ERMP1: variants seen among roughly 807,000 people sequenced by gnomAD.
The protein encoded by ERMP1 is endoplasmic reticulum metallopeptidase 1, also known as Felix-ina.
In ERMP1, 86 loss-of-function variants were observed where a neutral mutation model predicts 92.0. That is an observed-to-expected ratio of 0.93 (90% CI 0.79 to 1.12). The LOEUF is 1.12. Ranked by LOEUF, ERMP1 falls within the 50% of genes most tolerant of loss-of-function variation. The pLI is 0.00. For synonymous variants in ERMP1, 530 were observed against 412.8 expected (o/e 1.28, Z -3.44); for missense variants, 1,342 against 1,116.3 (o/e 1.20, Z -2.88).
chr9:5,847,489 C>T (rs983801964), intron 6 of ERMP1, among the ~76,000 whole-genome samples: 4 of 152,104 alleles, frequency 2.6e-5, no homozygotes, highest in Non-Finnish European at 4.4e-5. Context: ...TCACCTGCCT[C>T]GGCCTCCCAA....
intron 8 of ERMP1, among the ~76,000 whole-genome samples, chr9:5,807,912 C>T (rs546218192): frequency 1.3e-5 from 2 of 152,256 alleles, no homozygotes; most frequent in African/African-American, 4.8e-5. Flanking sequence ...ATTCCCACAC[C>T]TTCCCAAACG....
At chr9:5,849,974 T>C (rs943435018) in intron 6 of ERMP1, among the ~76,000 whole-genome samples, 2 of 152,194 alleles carry the variant, frequency 1.3e-5, no homozygotes, top group Admixed American at 1.3e-4. Flanking sequence ...GGTGGGATTG[T>C]GGATTTCAAT....
At chr9:5,814,959 C>T (rs1482615817) in intron 4 of ERMP1, among the ~76,000 whole-genome samples, 2 of 151,672 alleles carry the variant, frequency 1.3e-5, no homozygotes, top group East Asian at 1.9e-4. Flanking sequence ...ACTGATGTTG[C>T]GAATTTTAAT....
intron 6 of ERMP1, among the ~76,000 whole-genome samples, chr9:5,811,662 T>A (rs1829100559): frequency 6.6e-6 from 1 of 152,246 alleles, no homozygotes; most frequent in African/African-American, 2.4e-5. Flanking sequence ...ATCCAATGGC[T>A]GTTTCTTGGT....
At chr9:5,854,725 C>T (rs1830352504) in intron 6 of ERMP1, among the ~76,000 whole-genome samples, 1 of 152,098 alleles carries the variant, frequency 6.6e-6, no homozygotes, top group South Asian at 2.1e-4. Context: ...TGGGGTTTTG[C>T]CATGTTGCCC....
chr9:5,798,388 A>G (rs1040952537), intron 12 of ERMP1, among the ~76,000 whole-genome samples: 2 of 151,660 alleles, frequency 1.3e-5, no homozygotes, highest in African/African-American at 2.4e-5. Context: ...GGCTAATTTT[A>G]TATTTTTAGT....
chr9:5,847,040 A>G (rs549490030), intron 6 of ERMP1, among the ~76,000 whole-genome samples: 1 of 152,248 alleles, frequency 6.6e-6, no homozygotes, highest in South Asian at 2.1e-4. Flanking sequence ...CTCAGCACCA[A>G]TGCTCAGCAG....
chr9:5,836,087 A>G (rs1830093144), upstream of ERMP1, among the ~76,000 whole-genome samples: 1 of 152,188 alleles, frequency 6.6e-6, no homozygotes, highest in Non-Finnish European at 1.5e-5. Context: ...TAAGAGCTAA[A>G]CTGACTGACA....
chr9:5,831,085 G>C, intron 1 of ERMP1, 57 bp from the exon 2 acceptor site: 1 of 1,451,552 alleles, frequency 6.9e-7, no homozygotes, highest in South Asian at 1.3e-5. Flanking sequence ...ACTTAGCGTG[G>C]GTAACTTTTC....
Position 5,824,105 on chromosome 9 carries a change from T to G in ERMP1, c.769-104A>C, listed in dbSNP as rs556254128. On this transcript the variant is annotated intron_variant, in intron 3 of 14. Transcript: ENST00000339450. Reference sequence around the variant, plus strand: ...GACTACTTTGATGAGGTAAGGAATATGAAAACAAAATAATCGCTCTTCAAA... The same window carrying G: ...GACTACTTTGATGAGGTAAGGAATAGGAAAACAAAATAATCGCTCTTCAAA... The G allele has an allele frequency of 1.0e-4, 84 of 812,554 alleles. No homozygotes were observed. The African/African-American group carries it at 1.4e-3, about 13-fold the overall frequency. 50.3% of individuals were successfully genotyped at this position (812,554 alleles called of 1,614,324 possible).
chr9:5,798,433 C>T (rs1031320953), intron 12 of ERMP1, among the ~76,000 whole-genome samples: 2 of 152,034 alleles, frequency 1.3e-5, no homozygotes, highest in Non-Finnish European at 1.5e-5. Flanking sequence ...TCAGGCTGGT[C>T]TCGAACTCCC....
intron 3 of ERMP1, 79 bp from the exon 4 acceptor site, chr9:5,824,080 G>C: frequency 1.8e-6 from 2 of 1,101,166 alleles, no homozygotes; most frequent in Non-Finnish European, 2.7e-6. Flanking sequence ...AACACAGAGA[G>C]ACTACTTTGA....
At chr9:5,840,755 C>CCCTA (rs1265919664) in intron 6 of ERMP1, among the ~76,000 whole-genome samples, 1 of 152,222 alleles carries the variant, frequency 6.6e-6, no homozygotes, top group Non-Finnish European at 1.5e-5. Flanking sequence ...TGTCCTGAGG[C>CCCTA]CCTAGATCAG....
At chr9:5,865,252 A>T (rs1172050942) in intron 5 of ERMP1, among the ~76,000 whole-genome samples, 2 of 152,174 alleles carry the variant, frequency 1.3e-5, no homozygotes, top group Non-Finnish European at 2.9e-5. Flanking sequence ...TACGCCTGTA[A>T]TCCCAGCACT....
At chr9:5,849,215 G>A (rs190235129) in intron 6 of ERMP1, among the ~76,000 whole-genome samples, 1 of 152,244 alleles carries the variant, frequency 6.6e-6, no homozygotes, top group Admixed American at 6.5e-5. Flanking sequence ...TAGAGACAGG[G>A]TTTCACCATG....
At chr9:5,852,833 G>A (rs1830326974) in intron 6 of ERMP1, among the ~76,000 whole-genome samples, 1 of 152,080 alleles carries the variant, frequency 6.6e-6, no homozygotes, top group South Asian at 2.1e-4. Context: ...TCATCACACT[G>A]AAACATGTTT....
chr9:5,859,862 GT>G (rs1830437918), intron 5 of ERMP1, among the ~76,000 whole-genome samples: 2 of 152,250 alleles, frequency 1.3e-5, no homozygotes, highest in South Asian at 4.1e-4. Flanking sequence ...TCATTACTAA[GT>G]ATTTAGATTT....
At chr9:5,810,571 G>T (rs1036381018) in intron 7 of ERMP1, among the ~76,000 whole-genome samples, 4 of 152,156 alleles carry the variant, frequency 2.6e-5, no homozygotes, top group Non-Finnish European at 5.9e-5. Context: ...AGCAAGAATG[G>T]AAGGCAAAGT....
intron 2 of ERMP1, among the ~76,000 whole-genome samples, chr9:5,826,396 G>A (rs943738340): frequency 6.6e-6 from 1 of 152,282 alleles, no homozygotes; most frequent in Admixed American, 6.5e-5. Flanking sequence ...CTATTTCCTG[G>A]TTGAAAGAGC....
Sources: allele counts gnomAD v4.1 joint callset (sites outside exome capture counted in the v4.1 genomes callset), GRCh38; gene constraint gnomAD v4.1.1; transcripts MANE v1.5; gene names NCBI Gene and HGNC (gene_info 2026-07-23, HGNC 2026-07-21).